The following CLYBL variants were observed in gnomAD, a reference collection of about 807,000 sequenced individuals.
CLYBL encodes citramalyl-CoA lyase.
Under a neutral mutation model 38.9 loss-of-function variants are expected in CLYBL, and 31 were observed. The observed-to-expected ratio is 0.80, with a 90% confidence interval of 0.60 to 1.08. The LOEUF (loss-of-function observed/expected upper bound fraction) is 1.08, where lower values mean the gene tolerates loss of function less well. CLYBL is among the 50% of genes least tolerant of loss of function. The pLI is 0.00. For synonymous variants in CLYBL, 171 were observed against 158.6 expected (o/e 1.08, Z -0.59); for missense variants, 434 against 411.6 (o/e 1.05, Z -0.47).
chr13:99,675,216 T>G (rs2047626008), intron 1 of CLYBL, among the ~76,000 whole-genome samples: 1 of 152,162 alleles, frequency 6.6e-6, no homozygotes, highest in South Asian at 2.1e-4. Flanking sequence ...TCATCAGGCT[T>G]TAATATTGAT....
At chr13:99,834,664 C>T (rs1200290251) in intron 2 of CLYBL, among the ~76,000 whole-genome samples, 1 of 152,142 alleles carries the variant, frequency 6.6e-6, no homozygotes, top group Non-Finnish European at 1.5e-5. Context: ...GACTGATTCC[C>T]TGCTCCCCGG....
intron 2 of CLYBL, among the ~76,000 whole-genome samples, chr13:99,774,628 T>G (rs2049471529): frequency 6.6e-6 from 1 of 152,190 alleles, no homozygotes; most frequent in Non-Finnish European, 1.5e-5. Flanking sequence ...AATTGCTTTT[T>G]CTGGAGTTTC....
At chr13:99,725,102 G>GGAA in intron 1 of CLYBL, among the ~76,000 whole-genome samples, 1 of 152,300 alleles carries the variant, frequency 6.6e-6, no homozygotes, top group East Asian at 1.9e-4. Context: ...TTGGCTATGG[G>GGAA]GAAGAGGCAC....
chr13:99,734,327 A>T (rs962519049), intron 1 of CLYBL, among the ~76,000 whole-genome samples: 1 of 152,158 alleles, frequency 6.6e-6, no homozygotes, highest in African/African-American at 2.4e-5. Context: ...CATAAAACCG[A>T]TCTGTTAAAA....
chr13:99,829,860 C>T (rs1393017082), intron 2 of CLYBL, among the ~76,000 whole-genome samples: 2 of 152,108 alleles, frequency 1.3e-5, no homozygotes, highest in Non-Finnish European at 2.9e-5. Flanking sequence ...TCCGTGAGAG[C>T]GGAGAGCCTG....
At chr13:99,820,663 G>T in intron 2 of CLYBL, among the ~76,000 whole-genome samples, 1 of 152,144 alleles carries the variant, frequency 6.6e-6, no homozygotes, top group South Asian at 2.1e-4. Context: ...CTAACAATTT[G>T]CAGAAATATT....
chr13:99,740,105 G>A (rs2048727816), intron 1 of CLYBL, among the ~76,000 whole-genome samples: 1 of 152,200 alleles, frequency 6.6e-6, no homozygotes, highest in Non-Finnish European at 1.5e-5. Flanking sequence ...GCTTCCCAGT[G>A]GCCATAAATA....
intron 1 of CLYBL, among the ~76,000 whole-genome samples, chr13:99,629,805 C>T (rs1429392935): frequency 6.6e-6 from 1 of 152,130 alleles, no homozygotes; most frequent in Non-Finnish European, 1.5e-5. Flanking sequence ...TCCTATTGCT[C>T]AGGGTTCCTT....
chr13:99,716,648 T>C (rs1594135823), intron 1 of CLYBL, among the ~76,000 whole-genome samples: 1 of 150,082 alleles, frequency 6.7e-6, no homozygotes, highest in South Asian at 2.1e-4. Flanking sequence ...CCTCCCAAAG[T>C]GCTGGGATTA....
intron 7 of CLYBL, among the ~76,000 whole-genome samples, chr13:99,882,990 G>A (rs979678131): frequency 6.6e-6 from 1 of 152,062 alleles, no homozygotes; most frequent in African/African-American, 2.4e-5. Flanking sequence ...GCCCAGCCCA[G>A]CTCTTAGCTT....
At chr13:99,805,365 C>A (rs890536973) in intron 2 of CLYBL, among the ~76,000 whole-genome samples, 2 of 151,990 alleles carry the variant, frequency 1.3e-5, no homozygotes, top group African/African-American at 4.8e-5. Context: ...CTTTAAAAAC[C>A]TATATGTTAA....
intron 1 of CLYBL, among the ~76,000 whole-genome samples, chr13:99,738,980 G>C (rs1463903754): frequency 1.3e-5 from 2 of 152,052 alleles, no homozygotes; most frequent in East Asian, 3.9e-4. Flanking sequence ...AAAAATTCAG[G>C]GTTGGTGTGT....
intron 1 of CLYBL, among the ~76,000 whole-genome samples, chr13:99,714,717 G>A (rs1352099191): frequency 1.3e-5 from 2 of 151,956 alleles, no homozygotes; most frequent in African/African-American, 4.8e-5. Flanking sequence ...GGAGGCCGAG[G>A]TGGGCGGATC....
At chr13:99,713,815 C>T (rs1186214548) in intron 1 of CLYBL, among the ~76,000 whole-genome samples, 1 of 147,364 alleles carries the variant, frequency 6.8e-6, no homozygotes, top group Non-Finnish European at 1.5e-5. Flanking sequence ...TCCCAAGTAG[C>T]TGGGACTACA....
chr13:99,782,464 C>G (rs1278105156), intron 2 of CLYBL, among the ~76,000 whole-genome samples: 1 of 152,008 alleles, frequency 6.6e-6, no homozygotes, highest in Non-Finnish European at 1.5e-5. Flanking sequence ...AAGATCATAC[C>G]ATTGCACTCC....
At chr13:99,892,850 C>T (rs2052520291), downstream of CLYBL, 1 of 152,242 alleles carries the variant, frequency 6.6e-6, no homozygotes, top group African/African-American at 2.4e-5. Context: ...CACAGGAAGC[C>T]CGAGAGGTGA....
intron 1 of CLYBL, among the ~76,000 whole-genome samples, chr13:99,661,836 C>T (rs542125582): frequency 2.0e-5 from 3 of 152,216 alleles, no homozygotes; most frequent in South Asian, 4.1e-4. Context: ...GTCTTATTAA[C>T]GATGTTAAAA....
intron 1 of CLYBL, among the ~76,000 whole-genome samples, chr13:99,768,218 G>T (rs2138769094): frequency 9.3e-6 from 1 of 107,570 alleles, no homozygotes; most frequent in South Asian, 3.2e-4. Context: ...TTTTTGAGCA[G>T]AGTCTTGCTC....
At chr13:99,856,581 C>CACAGCCATGG in intron 2 of CLYBL, among the ~76,000 whole-genome samples, 1 of 152,088 alleles carries the variant, frequency 6.6e-6, no homozygotes, top group Non-Finnish European at 1.5e-5. Flanking sequence ...TTAGGTTCTC[C>CACAGCCATGG]ACAGCCATGG....
Sources: allele counts gnomAD v4.1 joint callset (sites outside exome capture counted in the v4.1 genomes callset), GRCh38; gene constraint gnomAD v4.1.1; transcripts MANE v1.5; gene names NCBI Gene and HGNC (gene_info 2026-07-23, HGNC 2026-07-21).